PLCB1: variants seen among roughly 807,000 people sequenced by gnomAD.
The protein encoded by PLCB1 is 1-phosphatidylinositol 4,5-bisphosphate phosphodiesterase beta-1.
A neutral mutation model predicts 161.8 loss-of-function variants in PLCB1; 46 were observed. The ratio of observed to expected loss-of-function variants is 0.28; its 90% CI spans 0.22 to 0.36. PLCB1 has a LOEUF of 0.36. Ranked by LOEUF, PLCB1 falls within the 10% of genes least tolerant of loss-of-function variation. The probability of loss-of-function intolerance (pLI) is 1.00; values close to 1 mark genes in which losing one functional copy is unlikely to be tolerated. For missense variants in PLCB1, 1,016 were observed against 1,472.5 expected (o/e 0.69, Z 5.07); for synonymous variants, 517 against 503.7 (o/e 1.03, Z -0.35).
intron 11 of PLCB1, among the ~76,000 whole-genome samples, chr20:8,702,438 A>C (rs967673712): frequency 1.3e-4 from 20 of 152,220 alleles, no homozygotes; most frequent in African/African-American, 4.3e-4. Flanking sequence ...AATAAAATAT[A>C]TGAGGAAAAC....
chr20:8,881,328 C>CATGTGT (rs1555797331), intron 31 of PLCB1, among the ~76,000 whole-genome samples: 5 of 128,860 alleles, frequency 3.9e-5, no homozygotes, highest in Non-Finnish European at 7.3e-5. Flanking sequence ...TCAAAAGACC[C>CATGTGT]GTGTGTGTGT....
At chr20:8,302,895 G>T (rs1983973531) in intron 2 of PLCB1, among the ~76,000 whole-genome samples, 1 of 152,066 alleles carries the variant, frequency 6.6e-6, no homozygotes, top group Non-Finnish European at 1.5e-5. Flanking sequence ...CATTGGGAGG[G>T]ATCTTTGAAG....
chr20:8,841,960 G>A (rs942960367), intron 31 of PLCB1, among the ~76,000 whole-genome samples: 1 of 152,120 alleles, frequency 6.6e-6, no homozygotes, highest in African/African-American at 2.4e-5. Context: ...ATAATAGAGA[G>A]TAAATGGAAA....
At chr20:8,310,162 GTC>G (rs1350655516) in intron 2 of PLCB1, among the ~76,000 whole-genome samples, 4 of 151,856 alleles carry the variant, frequency 2.6e-5, no homozygotes, top group Admixed American at 2.6e-4. Context: ...GTTACGGTGG[GTC>G]TCTCTAGTGG....
At chr20:8,753,407 A>G (rs1342823362) in intron 23 of PLCB1, among the ~76,000 whole-genome samples, 1 of 152,152 alleles carries the variant, frequency 6.6e-6, no homozygotes, top group Non-Finnish European at 1.5e-5. Flanking sequence ...TAACTTGTAT[A>G]TAACATCTGT....
At chr20:8,414,854 A>C (rs1295613963) in intron 3 of PLCB1, among the ~76,000 whole-genome samples, 1 of 152,060 alleles carries the variant, frequency 6.6e-6, no homozygotes, top group Non-Finnish European at 1.5e-5. Flanking sequence ...TCACAGCTCT[A>C]CCTCTCAAAG....
rs148056950 is a variant in PLCB1, at chr20:8,577,600, T to C, written c.247-50694T>C. Among the ~76,000 whole-genome samples the C allele has an allele frequency of 1.8e-3, 267 of 152,282 alleles. 1 individual carries two copies. Among genetic ancestry groups the C allele is most frequent in the Admixed American group, 2.9e-3 (45 of 15,298 alleles). On this transcript the variant is annotated intron_variant, in intron 3 of 31. Transcript: ENST00000338037. ...ACGATATGTGTCCTAGTTTAGTTTA[T>C]AAGTCTTGGCACTTAAGAGATCTAA... is the stretch of plus-strand genomic sequence containing the variant.
intron 31 of PLCB1, among the ~76,000 whole-genome samples, chr20:8,864,475 T>A (rs1300305983): frequency 6.6e-6 from 1 of 152,226 alleles, no homozygotes; most frequent in South Asian, 2.1e-4. Flanking sequence ...TGTGTCTCAC[T>A]CATGTCTCTG....
intron 3 of PLCB1, among the ~76,000 whole-genome samples, chr20:8,623,644 TA>T (rs917147570): frequency 4.6e-5 from 7 of 151,270 alleles, no homozygotes; most frequent in African/African-American, 1.2e-4. Context: ...TCCCTCTAGT[TA>T]AAAAAAAATA....
chr20:8,498,399 TTA>T, intron 3 of PLCB1, among the ~76,000 whole-genome samples: 1 of 152,302 alleles, frequency 6.6e-6, no homozygotes, highest in Middle Eastern at 3.4e-3. Context: ...CCGACCACCT[TTA>T]TGTTATTTTA....
chr20:8,582,469 G>A lies in PLCB1; in HGVS notation c.247-45825G>A, dbSNP rs557214721. 5.9e-5 allele frequency among the ~76,000 whole-genome samples: 9 copies of A among 152,264 alleles called. No individual in the cohort carries two copies. The South Asian group carries it at 1.9e-3, about 32-fold the overall frequency. On this transcript the variant is annotated intron_variant, in intron 3 of 31. Transcript: ENST00000338037. ...CCAGAACTCTCCAGGATCAGGCTGA[G>A]ACCAGTCTCCAGCTGTAACTACGTC...
At chr20:8,544,305 T>C (rs375364128) in intron 3 of PLCB1, among the ~76,000 whole-genome samples, 12 of 152,300 alleles carry the variant, frequency 7.9e-5, no homozygotes, top group African/African-American at 2.9e-4. Context: ...CTGCAAAAGA[T>C]CATTTCAGGA....
intron 2 of PLCB1, among the ~76,000 whole-genome samples, chr20:8,155,336 A>G (rs2051547966): frequency 6.6e-6 from 1 of 152,210 alleles, no homozygotes; most frequent in South Asian, 2.1e-4. Context: ...GCCATCTGCC[A>G]TCTTGTTCTG....
At chr20:8,274,687 T>C (rs1412620743) in intron 2 of PLCB1, among the ~76,000 whole-genome samples, 1 of 152,182 alleles carries the variant, frequency 6.6e-6, no homozygotes, top group African/African-American at 2.4e-5. Context: ...TTAATATTTT[T>C]AGGAAGGGTT....
chr20:8,693,366 A>G (rs1411872844), intron 10 of PLCB1, among the ~76,000 whole-genome samples: 2 of 152,184 alleles, frequency 1.3e-5, no homozygotes, highest in Non-Finnish European at 2.9e-5. Context: ...AGAAAGCACC[A>G]TGGTTTCACT....
intron 3 of PLCB1, among the ~76,000 whole-genome samples, chr20:8,547,736 T>C (rs1264671084): frequency 6.6e-6 from 1 of 152,184 alleles, no homozygotes; most frequent in African/African-American, 2.4e-5. Context: ...TCCACCTACA[T>C]TGAGAGCAAT....
rs188625611 is a variant in PLCB1 at position 8,262,053 on chromosome 20, G to A, written c.178-109329G>A. Among the ~76,000 whole-genome samples the A allele has an allele frequency of 3.2e-4, 48 of 151,914 alleles. 1 individual carries two copies. Among genetic ancestry groups the A allele is most frequent in the African/African-American group, 9.4e-4 (39 of 41,452 alleles). ...CCCTTCATTTTTTGTTTTTATGTGC[G>A]TTTTTGTTTGTTTGTTTGTTTGTTT... On this transcript the variant is annotated intron_variant, in intron 2 of 31. Coordinates refer to ENST00000338037, the MANE Select transcript of PLCB1 (RefSeq NM_015192.4).
intron 3 of PLCB1, among the ~76,000 whole-genome samples, chr20:8,510,461 C>T (rs1271982767): frequency 6.8e-6 from 1 of 147,888 alleles, no homozygotes; most frequent in Non-Finnish European, 1.5e-5. Flanking sequence ...TCTTGGCTCA[C>T]TGCAACCTCT....
intron 26 of PLCB1, among the ~76,000 whole-genome samples, chr20:8,770,005 T>C (rs568516958): frequency 1.2e-3 from 179 of 149,248 alleles, no homozygotes; most frequent in African/African-American, 4.2e-3. Flanking sequence ...CAGGCTGGAG[T>C]GCAGTGGTGC....
Sources: allele counts gnomAD v4.1 joint callset (sites outside exome capture counted in the v4.1 genomes callset), GRCh38; gene constraint gnomAD v4.1.1; transcripts MANE v1.5; gene names NCBI Gene and HGNC (gene_info 2026-07-23, HGNC 2026-07-21).